The following DISP3 variants were observed in gnomAD, a reference collection of about 807,000 sequenced individuals.
The protein encoded by DISP3 is dispatched RND transporter family member 3.
Under a neutral mutation model 135.3 loss-of-function variants are expected in DISP3, and 101 were observed. The ratio of observed to expected loss-of-function variants is 0.75; its 90% confidence interval spans 0.64 to 0.88. DISP3 has a LOEUF of 0.88. Ranked by LOEUF, DISP3 falls within the 40% of genes least tolerant of loss-of-function variation. The pLI, the probability that DISP3 is intolerant of heterozygous loss-of-function variation, is 0.00. For missense variants in DISP3, 1,713 were observed against 1,878.6 expected, an observed-to-expected ratio of 0.91 and a Z score of 1.63; for synonymous variants, 856 against 817.0, an observed-to-expected ratio of 1.05 and a Z score of -0.81.
rs905209657 is a variant in DISP3, at chr1:11,526,725, G to A, written c.2688G>A (p.Ala896=). 1.4e-5 allele frequency: 23 copies of A among 1,614,028 alleles called. No homozygotes were observed. The highest frequency in any genetic ancestry group is 4.5e-5 in the East Asian group (2 of 44,876). Residue 896 remains alanine (A), a synonymous_variant, in exon 13 of 21, where the codon GCG becomes GCA. Transcript: ENST00000294484. ...ACMSTVGLLQ[A]ASPSRKWMLT... ...TGTCTACAGTAGGGCTGCTCCAGGC[G>A]GCGAGCCCCTCCCGCAAGTGGATGC...
chr1:11,493,800 T>C (rs1376520430), intron 1 of DISP3, among the ~76,000 whole-genome samples: 2 of 152,054 alleles, frequency 1.3e-5, no homozygotes, highest in Admixed American at 1.3e-4. Context: ...GCCAAATATC[T>C]GGGCACCCCA....
chr1:11,528,052 G>A (rs1321591214), intron 13 of DISP3, among the ~76,000 whole-genome samples: 3 of 152,322 alleles, frequency 2.0e-5, no homozygotes, highest in East Asian at 1.9e-4. Context: ...GGTGTCTGGC[G>A]TAGTAGGTAC....
At chr1:11,510,365 A>G (rs972182120) in intron 3 of DISP3, among the ~76,000 whole-genome samples, 5 of 152,058 alleles carry the variant, frequency 3.3e-5, no homozygotes, top group African/African-American at 1.2e-4. Context: ...TATAGTATAC[A>G]TCTTTAAATT....
chr1:11,508,404 C>T (rs1390740411), intron 3 of DISP3, among the ~76,000 whole-genome samples: 1 of 150,882 alleles, frequency 6.6e-6, no homozygotes, highest in East Asian at 1.9e-4. Flanking sequence ...GGTGGCAGAG[C>T]AAGACCCTGT....
rs1642112524 is a variant in DISP3 at position 11,519,484 on chromosome 1, G to A, written c.2019G>A (p.Leu673=). The change falls in exon 8 of 21, where the codon CTG becomes CTA. Residue 673 remains leucine, a synonymous_variant. Coordinates refer to ENST00000294484, the MANE Select transcript of DISP3 (RefSeq NM_020780.2). This position sits in a 1 kb window ranked among gnomAD's most constrained non-coding sequence, Gnocchi z 4.3. Reference sequence around the variant, plus strand: ...ACCTGGATGATGACATCCCCTTGCTGGAGGTCGAGGAAGAGCCAGGTGAGA... The same window carrying A: ...ACCTGGATGATGACATCCCCTTGCTAGAGGTCGAGGAAGAGCCAGGTGAGA... ...IPYLDDDIPL[L]EVEEEPVSLE... is the part of the protein sequence containing the mutation. 6.2e-7 allele frequency: 1 copy of A among 1,613,488 alleles called. No homozygotes were observed. Among genetic ancestry groups the A allele is most frequent in the Non-Finnish European group, 8.5e-7 (1 of 1,180,014 alleles).
chr1:11,483,161 C>G lies in DISP3; in HGVS notation c.-4+3789C>G, dbSNP rs746496801. 2.0e-5 allele frequency among the ~76,000 whole-genome samples: 3 copies of G among 152,242 alleles called. No individual in the cohort carries two copies. Among genetic ancestry groups the G allele is most frequent in the Non-Finnish European group, 4.4e-5 (3 of 68,048 alleles). ...TCTGCCTGGCCGCTGGGAGACCAGACAGCCGCACTCCACTCTGCACCAGCT... is the reference window on the plus strand; with the variant it reads ...TCTGCCTGGCCGCTGGGAGACCAGAGAGCCGCACTCCACTCTGCACCAGCT... On this transcript the variant is annotated intron_variant, in intron 1 of 20. Coordinates refer to ENST00000294484, the MANE Select transcript of DISP3 (RefSeq NM_020780.2). The surrounding 1 kb of genome is among the most constrained non-coding windows in gnomAD (Gnocchi z 5.4).
Position 11,530,938 on chromosome 1 carries a change from T to G in DISP3, c.3134T>G (p.Leu1045Arg). ...GTTGTCTACGACAGCAGCTTTGACC[T>G]CTTCAAGGAAATTGGGCACCTGTGT... ...GSVVYDSSFD[L>R]FKEIGHLCHL... The change falls in exon 16 of 21, where the codon CTC becomes CGC. Residue 1045 changes from leucine to arginine, a missense_variant. By Grantham distance (102) the Leu-to-Arg change is moderately radical (BLOSUM62 -2). This residue lies in a region of DISP3 where 1,142 missense variants were observed against 1,384.6 expected (regional missense o/e 0.82). Transcript: ENST00000294484. 6.2e-7 allele frequency: 1 copy of G among 1,613,918 alleles called. No homozygotes were observed. The highest frequency in any genetic ancestry group is 2.2e-5 in the East Asian group (1 of 44,842).
chr1:11,514,580 GC>G, intron 4 of DISP3, 54 bp downstream of exon 4: 2 of 1,571,998 alleles, frequency 1.3e-6, no homozygotes, highest in South Asian at 1.1e-5. Context: ...GCTCCTGTCT[GC>G]CCAGAGCCTG....
rs182857679 is a variant in DISP3, at chr1:11,528,043, G to A, written c.2798+1208G>A. Among the ~76,000 whole-genome samples, 631 of 152,338 alleles carry A rather than the reference G, an allele frequency of 4.1e-3. 4 individuals carry two copies. Among genetic ancestry groups the A allele is most frequent in the South Asian group, 0.022 (104 of 4,828 alleles). On this transcript the variant is annotated intron_variant, in intron 13 of 20. Coordinates refer to ENST00000294484, the MANE Select transcript of DISP3 (RefSeq NM_020780.2). Reference sequence around the variant, plus strand: ...GCCGCCTCCCCAGCACCTGTCACGGGTGTCTGGCGTAGTAGGTACAAATAA... The same window carrying A: ...GCCGCCTCCCCAGCACCTGTCACGGATGTCTGGCGTAGTAGGTACAAATAA...
Position 11,501,778 on chromosome 1 carries a change from T to C in DISP3, c.786T>C (p.Tyr262=). The C allele has an allele frequency of 6.3e-7, 1 of 1,597,674 alleles. No individual in the cohort carries two copies. Among genetic ancestry groups the C allele is most frequent in the Non-Finnish European group, 8.5e-7 (1 of 1,170,170 alleles). ...GASRWDYSRA[Y]VSANTQTHAH... is the part of the protein sequence containing the mutation. ...CGCGCTGGGACTACTCGCGCGCCTA[T>C]GTGAGTGCCAACACTCAGACGCACG... is the stretch of plus-strand genomic sequence containing the variant. The change falls in exon 2 of 21, where the codon TAT becomes TAC. Residue 262 remains tyrosine, a synonymous_variant. Transcript: ENST00000294484. This position sits in a 1 kb window ranked among gnomAD's most constrained non-coding sequence, Gnocchi z 4.9.
At position 11,525,261 on chromosome 1, in the gene DISP3, TGCTCCTTGGCAG is replaced by T; in HGVS notation, c.2566_2577del (p.Pro856_Ala859del). 1.2e-6 allele frequency: 2 copies of T among 1,614,074 alleles called. No individual in the cohort carries two copies. Among genetic ancestry groups the T allele is most frequent in the East Asian group, 4.5e-5 (2 of 44,866 alleles). ...GGCTCTCCCTCAATGCCAGCCTGCC[TGCTCCTTGGCAG>T]GCTGTGTCGCCTGGGGATGGAGAGG... On this transcript the variant is annotated inframe_deletion, in exon 12 of 21. Coordinates refer to ENST00000294484, the MANE Select transcript of DISP3 (RefSeq NM_020780.2).
At chr1:11,521,292 G>A (rs578062420) in intron 10 of DISP3, among the ~76,000 whole-genome samples, 50 of 138,558 alleles carry the variant, frequency 3.6e-4, no homozygotes, top group African/African-American at 1.3e-3. Context: ...GTGGGGAGGG[G>A]AAAGGAGGGA....
At chr1:11,487,562 AAAGACT>A (rs1641072594) in intron 1 of DISP3, among the ~76,000 whole-genome samples, 3 of 152,354 alleles carry the variant, frequency 2.0e-5, no homozygotes, top group East Asian at 3.9e-4. Context: ...CACCAGCCTA[AAAGACT>A]AAGTAGCTTA....
intron 3 of DISP3, among the ~76,000 whole-genome samples, chr1:11,505,978 G>A (rs1337063259): frequency 6.6e-6 from 1 of 152,120 alleles, no homozygotes; most frequent in African/African-American, 2.4e-5. Flanking sequence ...TTGCCTAGTA[G>A]ACATCTTTAT....
At chr1:11,497,999 C>A (rs1641388007) in intron 1 of DISP3, among the ~76,000 whole-genome samples, 2 of 152,220 alleles carry the variant, frequency 1.3e-5, no homozygotes, top group Non-Finnish European at 2.9e-5. Context: ...GTCCCTGCTC[C>A]CTTAAAGCTC....
intron 3 of DISP3, among the ~76,000 whole-genome samples, chr1:11,504,397 T>C (rs1401770288): frequency 2.6e-5 from 4 of 152,250 alleles, no homozygotes; most frequent in Admixed American, 6.5e-5. Flanking sequence ...TCTCCCTGCC[T>C]TATTTCTTTG....
At chr1:11,528,245 C>G (rs1350033546) in intron 13 of DISP3, among the ~76,000 whole-genome samples, 1 of 152,192 alleles carries the variant, frequency 6.6e-6, no homozygotes, top group Non-Finnish European at 1.5e-5. Context: ...CCAGTCCCTG[C>G]TAGCACCCAG....
At position 11,519,603 on chromosome 1, in the gene DISP3, C is replaced by G; in HGVS notation, c.2038+100C>G. 6.4e-7 allele frequency: 1 copy of G among 1,571,518 alleles called. No individual in the cohort carries two copies. On this transcript the variant is annotated intron_variant, in intron 8 of 20. Transcript: ENST00000294484. This position sits in a 1 kb window ranked among gnomAD's most constrained non-coding sequence, Gnocchi z 4.3. ...GACAAGTTGGTCCTGAGGCTGGGGG[C>G]CGGACAAGATGGCCTGTGGGCTTCC...
intron 12 of DISP3, 113 bp from the exon 13 acceptor site, chr1:11,526,538 G>T: frequency 2.4e-6 from 3 of 1,261,006 alleles, no homozygotes; most frequent in Non-Finnish European, 3.4e-6. Flanking sequence ...CAACTCCGAG[G>T]ACTGGGACAG....
Sources: gnomAD v4.1 joint callset for allele counts (sites outside exome capture counted in the v4.1 genomes callset) on GRCh38, gnomAD v4.1.1 for gene constraint, gnomAD v4.1.1 regional missense constraint, Gnocchi (gnomAD v3.1) non-coding constraint, MANE v1.5 for transcripts, NCBI Gene and HGNC (gene_info 2026-07-23, HGNC 2026-07-21) for gene names.